KLF7: variants seen among roughly 807,000 people sequenced by gnomAD.
KLF7 encodes Krueppel-like factor 7.
A neutral mutation model predicts 27.3 loss-of-function variants in KLF7; 2 were observed. The observed-to-expected ratio is 0.07, with a 90% CI of 0.03 to 0.23. KLF7 has a LOEUF of 0.23. Ranked by LOEUF, KLF7 falls within the 10% of genes least tolerant of loss-of-function variation. The probability of loss-of-function intolerance (pLI) is 1.00; values close to 1 mark genes in which losing one functional copy is unlikely to be tolerated. For missense variants in KLF7, 221 were observed against 394.1 expected, an observed-to-expected ratio of 0.56 and a Z score of 3.72; for synonymous variants, 165 against 162.4, an observed-to-expected ratio of 1.02 and a Z score of -0.12.
chr2:207,166,956 CT>C, upstream of KLF7: 3 of 682,774 alleles, frequency 4.4e-6, no homozygotes, highest in Non-Finnish European at 3.9e-6. Context: ...CGCCGCCGCC[CT>C]CCCTCCCGCG....
intron 2 of KLF7, among the ~76,000 whole-genome samples, chr2:207,094,281 T>G (rs1333881216): frequency 2.0e-5 from 3 of 152,252 alleles, no homozygotes; most frequent in Admixed American, 6.5e-5. Context: ...AAATTCTTAA[T>G]GCAAGTTCTA....
At chr2:207,157,336 G>A (rs1217598120) in intron 1 of KLF7, among the ~76,000 whole-genome samples, 1 of 152,022 alleles carries the variant, frequency 6.6e-6, no homozygotes, top group Admixed American at 6.6e-5. Context: ...ACAGTTGGCT[G>A]GTAGCAAGGG....
upstream of KLF7, chr2:207,166,939 GCGC>G (rs200790025): frequency 9.2e-5 from 69 of 751,614 alleles, no homozygotes; most frequent in African/African-American, 6.5e-4. Context: ...CGCCCCGCGG[GCGC>G]CGCCGCCGCC....
chr2:207,082,618 AC>A (rs1411282874), intron 3 of KLF7, among the ~76,000 whole-genome samples: 1 of 152,166 alleles, frequency 6.6e-6, no homozygotes, highest in East Asian at 1.9e-4. Context: ...AGCCTACATG[AC>A]AGCAGTCATT....
chr2:207,138,234 T>A (rs2077844399), intron 1 of KLF7, among the ~76,000 whole-genome samples: 3 of 152,216 alleles, frequency 2.0e-5, no homozygotes, highest in Non-Finnish European at 4.4e-5. Flanking sequence ...AAGAACTACA[T>A]TAGCAGCATA....
At chr2:207,168,314 C>T (rs1433546379), upstream of KLF7, among the ~76,000 whole-genome samples, 2 of 152,192 alleles carry the variant, frequency 1.3e-5, no homozygotes, top group Non-Finnish European at 2.9e-5. Flanking sequence ...TTAAGCACTT[C>T]GAATGTGCCG....
chr2:207,098,946 T>C (rs1161543637), intron 2 of KLF7, among the ~76,000 whole-genome samples: 1 of 151,886 alleles, frequency 6.6e-6, no homozygotes, highest in Non-Finnish European at 1.5e-5. Context: ...TGAATCACCT[T>C]AAAAGATTTT....
chr2:207,165,618 T>A lies in KLF7; in HGVS notation c.-50A>T. ...AGGCGAAACCCTCCCCCGAACACAG[T>A]TGGGGCTGTTTGTTTGTCAGTCTGT... On this transcript the variant is annotated 5_prime_UTR_variant, in exon 1 of 4. Coordinates refer to ENST00000309446, the MANE Select transcript of KLF7 (RefSeq NM_003709.4). 1 of 1,610,448 alleles carries A rather than the reference T, an allele frequency of 6.2e-7. No individual in the cohort carries two copies. The highest frequency in any genetic ancestry group is 8.5e-7 in the Non-Finnish European group (1 of 1,178,822).
intron 1 of KLF7, among the ~76,000 whole-genome samples, chr2:207,127,878 G>T (rs568194689): frequency 6.6e-6 from 1 of 152,224 alleles, no homozygotes; most frequent in South Asian, 2.1e-4. Context: ...GATGGGAACT[G>T]AGGTATTAGT....
intron 1 of KLF7, among the ~76,000 whole-genome samples, chr2:207,129,966 T>C (rs2077579934): frequency 6.6e-6 from 1 of 152,236 alleles, no homozygotes. Flanking sequence ...TTTCACAGCC[T>C]TGAGAACAAT....
intron 2 of KLF7, 30 bp from the exon 3 acceptor site, chr2:207,088,611 A>G: frequency 6.2e-7 from 1 of 1,607,972 alleles, no homozygotes; most frequent in East Asian, 2.2e-5. Flanking sequence ...GACCGTGGTC[A>G]GCAGCAGGAA....
intron 2 of KLF7, among the ~76,000 whole-genome samples, chr2:207,119,423 A>ATT (rs11411496): frequency 1.3e-5 from 2 of 151,986 alleles, no homozygotes. Context: ...AACTATTAAG[A>ATT]TTTTTAAAAA....
chr2:207,123,489 C>A (rs2077394254), intron 2 of KLF7, among the ~76,000 whole-genome samples: 1 of 152,204 alleles, frequency 6.6e-6, no homozygotes. Context: ...GTCTGTGTCA[C>A]AAACAGCTAT....
intron 3 of KLF7, among the ~76,000 whole-genome samples, chr2:207,082,387 G>C (rs75361694): frequency 6.6e-6 from 1 of 152,258 alleles, no homozygotes; most frequent in African/African-American, 2.4e-5. Flanking sequence ...CAGAGAAAAA[G>C]GGGTTCTGGG....
chr2:207,102,832 G>A (rs2076798632), intron 2 of KLF7, among the ~76,000 whole-genome samples: 1 of 152,196 alleles, frequency 6.6e-6, no homozygotes, highest in Non-Finnish European at 1.5e-5. Flanking sequence ...AACAAAGACT[G>A]TATTTCCAAT....
chr2:207,163,283 G>A (rs1418848689), intron 1 of KLF7, among the ~76,000 whole-genome samples: 1 of 152,212 alleles, frequency 6.6e-6, no homozygotes, highest in Non-Finnish European at 1.5e-5. Flanking sequence ...GTTGGCTAAG[G>A]GTTTTAAGGT....
At chr2:207,160,066 G>A (rs1053528425) in intron 1 of KLF7, among the ~76,000 whole-genome samples, 7 of 152,190 alleles carry the variant, frequency 4.6e-5, no homozygotes, top group African/African-American at 1.2e-4. Flanking sequence ...ATTCTACAAT[G>A]AGTATACAGA....
rs984851027 is a variant in KLF7 at position 207,074,706 on chromosome 2, C to G, written c.*6507G>C. On this transcript the variant is annotated 3_prime_UTR_variant, in exon 4 of 4. Coordinates refer to ENST00000309446, the MANE Select transcript of KLF7 (RefSeq NM_003709.4). ...CCAATAGGTTCCTATTAAACACCATCCCAGAACAAACTGCCTCCTTCTCTC... is the reference window on the plus strand; with the variant it reads ...CCAATAGGTTCCTATTAAACACCATGCCAGAACAAACTGCCTCCTTCTCTC... 1 of 152,242 alleles carries G rather than the reference C, an allele frequency of 6.6e-6. No homozygotes were observed. Among genetic ancestry groups the G allele is most frequent in the Non-Finnish European group, 1.5e-5 (1 of 68,088 alleles). The allele number at this position is 152,242 out of a possible 1,614,324, so 9.4% of individuals were successfully genotyped here. A position where few individuals can be genotyped will look rare whatever the true frequency, so the allele number is the denominator to read the frequency against.
At chr2:207,086,786 G>A (rs568267147) in intron 3 of KLF7, among the ~76,000 whole-genome samples, 23 of 152,218 alleles carry the variant, frequency 1.5e-4, no homozygotes, top group South Asian at 6.2e-4. Flanking sequence ...CAATAATTAC[G>A]GCTACCCATA....
Sources: allele counts gnomAD v4.1 joint callset (sites outside exome capture counted in the v4.1 genomes callset), GRCh38; gene constraint gnomAD v4.1.1; transcripts MANE v1.5; gene names NCBI Gene and HGNC (gene_info 2026-07-23, HGNC 2026-07-21).